The following LOC400499 variants were observed in gnomAD, a reference collection of about 807,000 sequenced individuals.
chr16:11,397,834 C>A, the LOC400499 span, among the ~76,000 whole-genome samples: 1 of 144,302 alleles, frequency 6.9e-6, no homozygotes, highest in East Asian at 2.0e-4. Context: ...AAGGGAGGAA[C>A]GGTTGGAGGA....
chr16:11,477,733 C>A, the LOC400499 span: 3 of 397,110 alleles, frequency 7.6e-6, no homozygotes, highest in Non-Finnish European at 1.3e-5. Flanking sequence ...CCTCTCTTAC[C>A]CATACGGATG....
At chr16:11,461,288 C>T in the LOC400499 span, among the ~76,000 whole-genome samples, 1 of 152,248 alleles carries the variant, frequency 6.6e-6, no homozygotes, top group Non-Finnish European at 1.5e-5. Context: ...GGCCTGATCA[C>T]AGCTCACTGT....
At chr16:11,522,916 C>A in the LOC400499 span, among the ~76,000 whole-genome samples, 1 of 152,170 alleles carries the variant, frequency 6.6e-6, no homozygotes, top group Non-Finnish European at 1.5e-5. Context: ...CCAGCCAAAT[C>A]TCTAACCTTC....
At chr16:11,499,499 C>A in the LOC400499 span, among the ~76,000 whole-genome samples, 5 of 152,180 alleles carry the variant, frequency 3.3e-5, no homozygotes, top group South Asian at 2.1e-4. Flanking sequence ...CAATCTGGGC[C>A]TGGCTCTGAG....
At chr16:11,422,378 C>T in the LOC400499 span, among the ~76,000 whole-genome samples, 2,961 of 151,962 alleles carry the variant, frequency 0.019, 114 homozygotes, top group African/African-American at 0.068. Flanking sequence ...CAAGCCTGGG[C>T]AACTGAGCAA....
the LOC400499 span, among the ~76,000 whole-genome samples, chr16:11,507,034 C>T: frequency 6.6e-6 from 1 of 152,190 alleles, no homozygotes; most frequent in South Asian, 2.1e-4. Flanking sequence ...CGCACAGTGC[C>T]CTCTGGGGCT....
the LOC400499 span, chr16:11,390,533 G>T: frequency 8.5e-7 from 1 of 1,180,880 alleles, no homozygotes; most frequent in Non-Finnish European, 1.1e-6. Context: ...GCCCAGACAC[G>T]CCAGGCCTCG....
At chr16:11,473,210 T>G in the LOC400499 span, 1 of 151,798 alleles carries the variant, frequency 6.6e-6, no homozygotes, top group African/African-American at 2.4e-5. Context: ...TTCTAAAATT[T>G]TTTTCTGTAT....
chr16:11,381,625 T>C, the LOC400499 span, among the ~76,000 whole-genome samples: 357 of 152,352 alleles, frequency 2.3e-3, no homozygotes, highest in African/African-American at 8.1e-3. Flanking sequence ...GGTGGATCCC[T>C]TGAGTAAGTG....
At chr16:11,391,527 G>C in the LOC400499 span, 1 of 652,502 alleles carries the variant, frequency 1.5e-6, no homozygotes, top group Non-Finnish European at 2.2e-6. Flanking sequence ...AAACACAGCT[G>C]GGCTACAGGC....
At chr16:11,496,065 T>TC in the LOC400499 span, among the ~76,000 whole-genome samples, 1 of 103,680 alleles carries the variant, frequency 9.6e-6, no homozygotes, top group Non-Finnish European at 2.2e-5. Context: ...CCTAGCTCTG[T>TC]CCTTTTTTTT....
chr16:11,418,968 C>A, the LOC400499 span, among the ~76,000 whole-genome samples: 90 of 152,274 alleles, frequency 5.9e-4, no homozygotes, highest in African/African-American at 2.1e-3. Context: ...GAGTTTGAGA[C>A]CATCCTGGCC....
chr16:11,390,299 T>C, the LOC400499 span: 1 of 1,232,866 alleles, frequency 8.1e-7, no homozygotes, highest in Non-Finnish European at 1.0e-6. Context: ...GCTCCTTTCA[T>C]GGCCCCCAGG....
the LOC400499 span, among the ~76,000 whole-genome samples, chr16:11,459,596 A>G: frequency 1.3e-5 from 2 of 152,218 alleles, no homozygotes; most frequent in African/African-American, 2.4e-5. Flanking sequence ...TAACTCAGCA[A>G]AAGAACCCAC....
chr16:11,469,429 C>A, the LOC400499 span: 1 of 398,956 alleles, frequency 2.5e-6, no homozygotes, highest in Non-Finnish European at 4.4e-6. Flanking sequence ...AACCTATAAG[C>A]CAGCTCACTG....
chr16:11,518,700 G>T, the LOC400499 span, among the ~76,000 whole-genome samples: 1 of 152,246 alleles, frequency 6.6e-6, no homozygotes, highest in South Asian at 2.1e-4. Flanking sequence ...ATCGGTGCTT[G>T]ACAAGGTCAA....
At chr16:11,508,017 A>C in the LOC400499 span, among the ~76,000 whole-genome samples, 1 of 152,184 alleles carries the variant, frequency 6.6e-6, no homozygotes, top group East Asian at 1.9e-4. Context: ...AATTTCCCTT[A>C]TTTGGAAAAA....
the LOC400499 span, among the ~76,000 whole-genome samples, chr16:11,480,334 G>A: frequency 6.6e-6 from 1 of 152,178 alleles, no homozygotes; most frequent in South Asian, 2.1e-4. Flanking sequence ...AGTCCAAGAT[G>A]CTTTTAACAG....
At chr16:11,498,711 G>C in the LOC400499 span, among the ~76,000 whole-genome samples, 1 of 151,530 alleles carries the variant, frequency 6.6e-6, no homozygotes, top group Non-Finnish European at 1.5e-5. Context: ...CATGAGCTCT[G>C]GCCTGCACAT....
Sources: allele counts gnomAD v4.1 joint callset (sites outside exome capture counted in the v4.1 genomes callset), GRCh38; gene constraint gnomAD v4.1.1; transcripts MANE v1.5.